Variants in RGMA observed in about 807,000 individuals in gnomAD.
RGMA encodes repulsive guidance molecule A.
In RGMA, 10 loss-of-function variants were observed where a neutral mutation model predicts 23.2. That is an observed-to-expected ratio of 0.43 (90% CI 0.27 to 0.73). The LOEUF is 0.73. Ranked by LOEUF, RGMA falls within the 30% of genes least tolerant of loss-of-function variation. The pLI, the probability that RGMA is intolerant of heterozygous loss-of-function variation, is 0.20. For synonymous variants in RGMA, 308 were observed against 279.3 expected (o/e 1.10, Z -1.03); for missense variants, 547 against 630.5 (o/e 0.87, Z 1.42).
intron 2 of RGMA, among the ~76,000 whole-genome samples, chr15:93,068,142 T>C (rs1006541234): frequency 2.6e-5 from 4 of 152,174 alleles, no homozygotes; most frequent in African/African-American, 7.2e-5. Context: ...TCAGGACATA[T>C]AGATTCCAGT....
At chr15:93,053,763 C>A (rs1224377658) in intron 2 of RGMA, among the ~76,000 whole-genome samples, 1 of 152,182 alleles carries the variant, frequency 6.6e-6, no homozygotes, top group African/African-American at 2.4e-5. Flanking sequence ...AGTCACCTTC[C>A]CAGATCACAG....
intron 2 of RGMA, among the ~76,000 whole-genome samples, chr15:93,052,960 C>T (rs1468186475): frequency 1.3e-5 from 2 of 152,172 alleles, no homozygotes; most frequent in Non-Finnish European, 2.9e-5. Flanking sequence ...ATACAAATGG[C>T]CTCCCGTCTC....
intron 2 of RGMA, among the ~76,000 whole-genome samples, chr15:93,064,100 C>T (rs1895060364): frequency 6.6e-6 from 1 of 152,132 alleles, no homozygotes; most frequent in Non-Finnish European, 1.5e-5. Context: ...TGGAGGCAGA[C>T]CACGGGCAAG....
intron 2 of RGMA, 64 bp from the exon 3 acceptor site, chr15:93,052,571 T>C: frequency 5.4e-6 from 8 of 1,471,164 alleles, no homozygotes; most frequent in Non-Finnish European, 7.2e-6. Flanking sequence ...TCTGCTACCA[T>C]CTGTGGGCCA....
chr15:93,076,715 C>T (rs1327916253), intron 1 of RGMA, among the ~76,000 whole-genome samples: 1 of 152,156 alleles, frequency 6.6e-6, no homozygotes, highest in Admixed American at 6.5e-5. Flanking sequence ...TATTACCATC[C>T]TCATTTTGCA....
intron 2 of RGMA, chr15:93,066,245 T>C: frequency 7.9e-7 from 1 of 1,267,480 alleles, no homozygotes; most frequent in Non-Finnish European, 1.1e-6. Flanking sequence ...TTCCTGGGCT[T>C]CTTTTAATAG....
intron 3 of RGMA, among the ~76,000 whole-genome samples, chr15:93,049,185 C>T (rs2054877698): frequency 6.6e-6 from 1 of 152,246 alleles, no homozygotes; most frequent in Non-Finnish European, 1.5e-5. Context: ...TTCCACTGCA[C>T]CGGGCACGAG....
In RGMA at chr15:93,051,985, C is replaced by T. The variant is rs1487855586; in HGVS notation, c.645+8G>A. 6.3e-7 allele frequency: 1 copy of T among 1,588,918 alleles called. No homozygotes were observed. The highest frequency in any genetic ancestry group is 1.7e-5 in the Admixed American group (1 of 57,156). The stretch of plus-strand genomic sequence containing the variant: ...GGCTGTGCCCTACAGCCGCCCCCTC[C>T]CCCTTACCTTGCTGGTGGCAGTGGC... On this transcript the variant is annotated splice_region_variant and intron_variant, in intron 3 of 3. Coordinates refer to ENST00000329082, the MANE Select transcript of RGMA (RefSeq NM_020211.3).
intron 1 of RGMA, among the ~76,000 whole-genome samples, chr15:93,081,680 G>A (rs907789471): frequency 6.6e-6 from 1 of 152,190 alleles, no homozygotes; most frequent in Admixed American, 6.5e-5. Flanking sequence ...CAGAAGGCTG[G>A]AGTATTTGGA....
At chr15:93,081,789 C>A (rs548377035) in intron 1 of RGMA, among the ~76,000 whole-genome samples, 1 of 152,214 alleles carries the variant, frequency 6.6e-6, no homozygotes, top group Non-Finnish European at 1.5e-5. Flanking sequence ...TTTAGAATGG[C>A]TAAGCAAAGC....
intron 2 of RGMA, chr15:93,063,089 C>A (rs1177132351): frequency 1.3e-5 from 2 of 152,304 alleles, no homozygotes; most frequent in Admixed American, 1.3e-4. Context: ...AGCAGTGTAA[C>A]TGAAGAGGCG....
Position 93,045,500 on chromosome 15 carries a change from C to G in RGMA, c.851G>C (p.Arg284Pro). 1 of 1,613,172 alleles carries G rather than the reference C, an allele frequency of 6.2e-7. No homozygotes were observed. The highest frequency in any genetic ancestry group is 1.1e-5 in the South Asian group (1 of 91,078). The change falls in exon 4 of 4, where the codon CGC becomes CCC. Residue 284 changes from arginine (R) to proline (P), a missense_variant. Physicochemically the swap from Arg to Pro is moderately radical, Grantham distance 103 (BLOSUM62 -2). This residue lies in a region of RGMA where 128 missense variants were observed against 191.7 expected (regional missense o/e 0.67). Coordinates refer to ENST00000329082, the MANE Select transcript of RGMA (RefSeq NM_020211.3). This position sits in a 1 kb window ranked among gnomAD's most constrained non-coding sequence, Gnocchi z 6.9. ...AKYIGTTIVV[R>P]QVGRYLTFAV... ...AAAGGTCAGGTAGCGGCCCACCTGG[C>G]GCACCACGATGGTGGTGCCGATGTA...
At chr15:93,087,439 G>A (rs1453367479) in intron 1 of RGMA, among the ~76,000 whole-genome samples, 1 of 69,172 alleles carries the variant, frequency 1.4e-5, no homozygotes, top group African/African-American at 5.5e-5. Context: ...TGTGGTAACA[G>A]CAAGAAACCC....
intron 1 of RGMA, among the ~76,000 whole-genome samples, chr15:93,085,124 G>A (rs1272910348): frequency 6.6e-6 from 1 of 152,144 alleles, no homozygotes; most frequent in Non-Finnish European, 1.5e-5. Flanking sequence ...TGTTTCACAA[G>A]GACAGAAGAA....
chr15:93,050,203 G>A (rs571345816), intron 3 of RGMA, among the ~76,000 whole-genome samples: 25 of 152,310 alleles, frequency 1.6e-4, no homozygotes, highest in South Asian at 2.1e-4. Flanking sequence ...CTGGGAGGGA[G>A]GGCAACAACT....
intron 1 of RGMA, among the ~76,000 whole-genome samples, chr15:93,087,558 C>T (rs59677267): frequency 6.6e-6 from 1 of 151,752 alleles, no homozygotes; most frequent in Non-Finnish European, 1.5e-5. Context: ...AGTTCTCCTC[C>T]TGTTGCCCTT....
intron 1 of RGMA, among the ~76,000 whole-genome samples, chr15:93,086,219 T>C (rs1393039822): frequency 6.6e-6 from 1 of 152,238 alleles, no homozygotes; most frequent in Non-Finnish European, 1.5e-5. Context: ...TTAACTAAAC[T>C]TACCTTTGGG....
Position 93,043,560 on chromosome 15 carries a change from C to T in RGMA, c.*1438G>A, listed in dbSNP as rs1217379072. ...CAAGCAGAACGTGAGCAAACACAACCAAAATAAAGTGCTTCACTTTTTACT... is the reference window on the plus strand; with the variant it reads ...CAAGCAGAACGTGAGCAAACACAACTAAAATAAAGTGCTTCACTTTTTACT... On this transcript the variant is annotated 3_prime_UTR_variant, in exon 4 of 4. Coordinates refer to ENST00000329082, the MANE Select transcript of RGMA (RefSeq NM_020211.3). 1 of 152,454 alleles carries T rather than the reference C, an allele frequency of 6.6e-6. No individual in the cohort carries two copies. The highest frequency in any genetic ancestry group is 2.4e-5 in the African/African-American group (1 of 41,436). 9.4% of individuals were successfully genotyped at this position (152,454 alleles called of 1,614,324 possible). A position where few individuals can be genotyped will look rare whatever the true frequency, so the allele number is the denominator to read the frequency against.
At chr15:93,055,429 G>A (rs939983181) in intron 2 of RGMA, among the ~76,000 whole-genome samples, 1 of 152,158 alleles carries the variant, frequency 6.6e-6, no homozygotes, top group Non-Finnish European at 1.5e-5. Context: ...TCCCCTCATT[G>A]CATCTTCCCG....
Sources: allele counts gnomAD v4.1 joint callset (sites outside exome capture counted in the v4.1 genomes callset), GRCh38; gene constraint gnomAD v4.1.1; regional missense constraint gnomAD v4.1.1; non-coding constraint Gnocchi (gnomAD v3.1); transcripts MANE v1.5; gene names NCBI Gene and HGNC (gene_info 2026-07-23, HGNC 2026-07-21).